Variants in EML5 observed in about 807,000 individuals in gnomAD.
EML5 encodes EMAP like 5.
Under a neutral mutation model 250.0 loss-of-function variants are expected in EML5, and 120 were observed. That is an observed-to-expected ratio of 0.48 (90% CI 0.41 to 0.56). The LOEUF (loss-of-function observed/expected upper bound fraction) is 0.56, where lower values mean the gene tolerates loss of function less well. Among genes scored for constraint, EML5 ranks in the 20% least tolerant of loss-of-function variants. The pLI is 0.00. For synonymous variants in EML5, 771 were observed against 806.5 expected, an observed-to-expected ratio of 0.96 and a Z score of 0.75; for missense variants, 2,006 against 2,437.6, an observed-to-expected ratio of 0.82 and a Z score of 3.73.
intron 36 of EML5, chr14:88,624,735 T>C (rs2089654290): frequency 2.1e-6 from 1 of 480,882 alleles, no homozygotes; most frequent in South Asian, 2.7e-5. Flanking sequence ...GTAGGACAAC[T>C]ACCTATCCAC....
At chr14:88,657,639 A>C (rs984534929) in intron 26 of EML5, 137 bp from the exon 27 acceptor site, 8 of 732,126 alleles carry the variant, frequency 1.1e-5, no homozygotes, top group Admixed American at 3.7e-5. Flanking sequence ...ATATACAACC[A>C]GAAAAAACGA....
At position 88,792,883 on chromosome 14, in the gene EML5, C is replaced by T. The variant is rs980012008; in HGVS notation, c.-380G>A. 9.8e-6 allele frequency: 3 copies of T among 305,224 alleles called. No individual in the cohort carries two copies. The highest frequency in any genetic ancestry group is 6.8e-5 in the African/African-American group (3 of 44,352). 18.9% of individuals were successfully genotyped at this position (305,224 alleles called of 1,614,324 possible). A position where few individuals can be genotyped will look rare whatever the true frequency, so the allele number is the denominator to read the frequency against. On this transcript the variant is annotated 5_prime_UTR_variant, in exon 1 of 44. Coordinates refer to ENST00000554922, the MANE Select transcript of EML5 (RefSeq NM_183387.3). The surrounding 1 kb of genome is among the most constrained non-coding windows in gnomAD (Gnocchi z 6.9). The stretch of plus-strand genomic sequence containing the variant: ...CCCAGCCCCGGTCACCTGCGGCGCT[C>T]GCGCCCCGCCGCGGCTTTGTAGCCA...
In EML5 at chr14:88,715,119, A is replaced by G; in HGVS notation, c.1264T>C (p.Tyr422His). 8 of 1,613,216 alleles carry G rather than the reference A, an allele frequency of 5.0e-6. No individual in the cohort carries two copies. Among genetic ancestry groups the G allele is most frequent in the Non-Finnish European group, 5.9e-6 (7 of 1,179,478 alleles). ...CTGTCATTGCATCCAACAGCAAGGT[A>G]AGTTCCATCTGGTGAATATTTTAAC... ...HELKYSPDGT[Y>H]LAVGCNDSSV... is the part of the protein sequence containing the mutation. Residue 422 changes from tyrosine (Y) to histidine (H), a missense_variant, in exon 9 of 44, where the codon TAC becomes CAC. Around this residue, in one of 7 missense-constraint regions of EML5, gnomAD observed 1,375 missense variants for 1,590.3 expected, o/e 0.86. Coordinates refer to ENST00000554922, the MANE Select transcript of EML5 (RefSeq NM_183387.3).
chr14:88,729,840 C>A (rs573398698), intron 7 of EML5, among the ~76,000 whole-genome samples: 2 of 151,002 alleles, frequency 1.3e-5, no homozygotes, highest in South Asian at 4.2e-4. Flanking sequence ...GGATTACAGG[C>A]ATAAGCCACC....
intron 8 of EML5, among the ~76,000 whole-genome samples, chr14:88,715,950 G>A (rs1032009249): frequency 5.3e-5 from 8 of 152,038 alleles, no homozygotes; most frequent in African/African-American, 1.9e-4. Context: ...ACAGATATTA[G>A]TAACAACCAA....
In EML5 at chr14:88,612,832, A is replaced by T. The variant is rs190464296; in HGVS notation, c.*2986T>A. 1 of 152,720 alleles carries T rather than the reference A, an allele frequency of 6.5e-6. No homozygotes were observed. The highest frequency in any genetic ancestry group is 2.4e-5 in the African/African-American group (1 of 41,568). The allele number at this position is 152,720 out of a possible 1,614,324, so 9.5% of individuals were successfully genotyped here. A position where few individuals can be genotyped will look rare whatever the true frequency, so the allele number is the denominator to read the frequency against. ...AAAACTGTTAAGGCAAGAAGTGTCA[A>T]ATGCTTTAGAGTTAAATAACAGATC... On this transcript the variant is annotated 3_prime_UTR_variant, in exon 44 of 44. Transcript: ENST00000554922.
chr14:88,658,040 CA>C, intron 26 of EML5, 146 bp downstream of exon 26: 1 of 724,240 alleles, frequency 1.4e-6, no homozygotes, highest in Non-Finnish European at 2.2e-6. Flanking sequence ...TCTTGAGTCA[CA>C]AAATGGATTT....
chr14:88,785,982 T>C (rs1047056462), intron 1 of EML5, among the ~76,000 whole-genome samples: 1 of 152,208 alleles, frequency 6.6e-6, no homozygotes, highest in Admixed American at 6.5e-5. Flanking sequence ...CCCACCACCA[T>C]AGCTCATCAG....
At chr14:88,691,886 G>A (rs932073604) in intron 17 of EML5, among the ~76,000 whole-genome samples, 8 of 152,110 alleles carry the variant, frequency 5.3e-5, no homozygotes, top group African/African-American at 1.4e-4. Context: ...TCTACTATAC[G>A]TCTAATCAAA....
intron 25 of EML5, among the ~76,000 whole-genome samples, chr14:88,660,903 C>CA (rs2092074448): frequency 6.6e-6 from 1 of 151,890 alleles, no homozygotes; most frequent in African/African-American, 2.4e-5. Flanking sequence ...GATTTGGTTT[C>CA]AAAAAAAGTC....
At position 88,792,220 on chromosome 14, in the gene EML5, A is replaced by G. The variant is rs1471972679; in HGVS notation, c.197+87T>C. 2.7e-6 allele frequency: 4 copies of G among 1,476,476 alleles called. No individual in the cohort carries two copies. The highest frequency in any genetic ancestry group is 3.6e-6 in the Non-Finnish European group (4 of 1,097,992). 91.5% of individuals were successfully genotyped at this position (1,476,476 alleles called of 1,614,324 possible). ...CCCTCGGGGTGATGCTCCGTGCAGG[A>G]GCGGTCACGGCGTCCAGAGGAACCC... On this transcript the variant is annotated intron_variant, in intron 1 of 43. Coordinates refer to ENST00000554922, the MANE Select transcript of EML5 (RefSeq NM_183387.3). This position sits in a 1 kb window ranked among gnomAD's most constrained non-coding sequence, Gnocchi z 6.9.
intron 32 of EML5, among the ~76,000 whole-genome samples, chr14:88,636,110 C>T (rs1334013433): frequency 6.6e-6 from 1 of 152,204 alleles, no homozygotes; most frequent in East Asian, 1.9e-4. Flanking sequence ...CACCCCTACA[C>T]AAAGAACAGC....
At chr14:88,776,697 A>G (rs558363675) in intron 1 of EML5, among the ~76,000 whole-genome samples, 1 of 149,294 alleles carries the variant, frequency 6.7e-6, no homozygotes. Context: ...CGTGCGTAAC[A>G]TGGCAAAACC....
chr14:88,709,568 G>C (rs566072780), intron 10 of EML5, among the ~76,000 whole-genome samples: 1 of 152,076 alleles, frequency 6.6e-6, no homozygotes. Flanking sequence ...ACACCAACTG[G>C]GTTTGCAAAA....
intron 21 of EML5, among the ~76,000 whole-genome samples, chr14:88,667,264 A>T (rs1885546245): frequency 6.6e-6 from 1 of 152,320 alleles, no homozygotes; most frequent in South Asian, 2.1e-4. Context: ...TGTGTATATT[A>T]ACTATTTGAC....
intron 1 of EML5, among the ~76,000 whole-genome samples, chr14:88,772,752 CAA>C (rs796136592): frequency 2.8e-5 from 4 of 142,528 alleles, no homozygotes; most frequent in Non-Finnish European, 1.5e-5. Flanking sequence ...GACTCCATCT[CAA>C]AAAAAAAAAA....
At position 88,665,632 on chromosome 14, in the gene EML5, G is replaced by A. The variant is rs1030802722; in HGVS notation, c.3125-143C>T. ...GCCCGCGGCCAGGAGGTTAAGACCA[G>A]CCCGGGCAACATAGCAAGACCCCAT... On this transcript the variant is annotated intron_variant, in intron 21 of 43. Transcript: ENST00000554922. 6.7e-6 allele frequency: 7 copies of A among 1,052,112 alleles called. No homozygotes were observed. In the Admixed American group the frequency reaches 1.9e-4, roughly 29 times the overall value. 65.2% of individuals were successfully genotyped at this position (1,052,112 alleles called of 1,614,324 possible).
chr14:88,627,132 C>CA (rs1286857001), intron 34 of EML5, 86 bp from the exon 35 acceptor site: 1 of 1,393,366 alleles, frequency 7.2e-7, no homozygotes, highest in Non-Finnish European at 1.0e-6. Context: ...ATACATAGTT[C>CA]AAAAAACAAA....
chr14:88,645,440 G>A (rs369392931), intron 29 of EML5, among the ~76,000 whole-genome samples: 4 of 152,116 alleles, frequency 2.6e-5, no homozygotes, highest in East Asian at 1.9e-4. Flanking sequence ...TTCTTGATAG[G>A]TACATTAACA....
Sources: allele counts gnomAD v4.1 joint callset (sites outside exome capture counted in the v4.1 genomes callset), GRCh38; gene constraint gnomAD v4.1.1; regional missense constraint gnomAD v4.1.1; non-coding constraint Gnocchi (gnomAD v3.1); transcripts MANE v1.5; gene names NCBI Gene and HGNC (gene_info 2026-07-23, HGNC 2026-07-21).